HS3ST4: variants seen among roughly 807,000 people sequenced by gnomAD.
HS3ST4 encodes the protein heparan sulfate-glucosamine 3-sulfotransferase 4.
Under a neutral mutation model 29.2 loss-of-function variants are expected in HS3ST4, and 17 were observed. That is an observed-to-expected ratio of 0.58 (90% CI 0.40 to 0.87). The LOEUF is 0.87. Among genes scored for constraint, HS3ST4 ranks in the 40% least tolerant of loss-of-function variants. The pLI is 0.00. For synonymous variants in HS3ST4, 314 were observed against 285.7 expected, an observed-to-expected ratio of 1.10 and a Z score of -1.00; for missense variants, 627 against 634.5, an observed-to-expected ratio of 0.99 and a Z score of 0.13.
At chr16:25,950,679 C>A (rs142367856) in intron 1 of HS3ST4, among the ~76,000 whole-genome samples, 5 of 152,096 alleles carry the variant, frequency 3.3e-5, no homozygotes, top group Non-Finnish European at 4.4e-5. Flanking sequence ...GGTTTGACAC[C>A]TGGAGACTGC....
intron 1 of HS3ST4, among the ~76,000 whole-genome samples, chr16:25,880,359 T>A (rs1306454603): frequency 6.6e-6 from 1 of 152,184 alleles, no homozygotes; most frequent in Non-Finnish European, 1.5e-5. Context: ...CAGTGAATAT[T>A]TGTTGAATGA....
At chr16:26,069,384 T>C (rs1266911837) in intron 1 of HS3ST4, among the ~76,000 whole-genome samples, 1 of 152,154 alleles carries the variant, frequency 6.6e-6, no homozygotes, top group Non-Finnish European at 1.5e-5. Context: ...CACTTACCAG[T>C]TCTGAACCCA....
At chr16:25,815,277 G>C (rs777335468) in intron 1 of HS3ST4, among the ~76,000 whole-genome samples, 8 of 152,166 alleles carry the variant, frequency 5.3e-5, no homozygotes, top group Non-Finnish European at 1.2e-4. Context: ...CGTGGGGCTG[G>C]GTGCAGGGTT....
At chr16:26,131,637 CA>C (rs1389354774) in intron 1 of HS3ST4, among the ~76,000 whole-genome samples, 3 of 152,208 alleles carry the variant, frequency 2.0e-5, no homozygotes, top group Non-Finnish European at 4.4e-5. Flanking sequence ...CCCAGGTTAG[CA>C]GGGGGTTTTG....
chr16:25,721,587 A>C (rs974206310), intron 1 of HS3ST4, among the ~76,000 whole-genome samples: 1 of 152,160 alleles, frequency 6.6e-6, no homozygotes, highest in African/African-American at 2.4e-5. Flanking sequence ...TGACCATCAC[A>C]CTGAAAATGA....
chr16:25,737,363 C>A (rs796338056), intron 1 of HS3ST4, among the ~76,000 whole-genome samples: 1 of 29,488 alleles, frequency 3.4e-5, no homozygotes, highest in Non-Finnish European at 5.7e-5. Flanking sequence ...AGTGACCCCC[C>A]CCACACACAA....
rs558660374 is a variant in HS3ST4, at chr16:25,922,443, C to T, written c.735-213169C>T. 2.6e-5 allele frequency among the ~76,000 whole-genome samples: 4 copies of T among 152,336 alleles called. No homozygotes were observed. In the South Asian group the frequency reaches 8.3e-4, roughly 32 times the overall value. ...GATTTGCTGACCCCTTGATCTTGGG[C>T]TTCCCAGCCTCCAGAACTGTGAGAA... On this transcript the variant is annotated intron_variant, in intron 1 of 1. Coordinates refer to ENST00000331351, the MANE Select transcript of HS3ST4 (RefSeq NM_006040.3).
chr16:25,772,814 A>G (rs73511212), intron 1 of HS3ST4, among the ~76,000 whole-genome samples: 4,815 of 152,244 alleles, frequency 0.032, 242 homozygotes, highest in African/African-American at 0.11. Context: ...TCACACCTGT[A>G]ATGTTACAAG....
intron 1 of HS3ST4, among the ~76,000 whole-genome samples, chr16:25,862,978 G>A (rs111380543): frequency 8.5e-5 from 13 of 152,252 alleles, no homozygotes; most frequent in African/African-American, 2.9e-4. Flanking sequence ...TATGTGTAGT[G>A]TGGGCTTATT....
chr16:25,703,281 G>A lies in HS3ST4; in HGVS notation c.734+10130G>A, dbSNP rs1966349060. ...AAACCATGGTTATTTTAGGACGGGA[G>A]GGGGAGATGGAGGTTCGAATCTGAT... On this transcript the variant is annotated intron_variant, in intron 1 of 1. Transcript: ENST00000331351. Among the ~76,000 whole-genome samples, 3 of 152,292 alleles carry A rather than the reference G, an allele frequency of 2.0e-5. 1 individual carries two copies. The highest frequency in any genetic ancestry group is 2.0e-4 in the Admixed American group (3 of 15,292).
At chr16:25,973,230 G>T (rs1968913934) in intron 1 of HS3ST4, among the ~76,000 whole-genome samples, 1 of 152,210 alleles carries the variant, frequency 6.6e-6, no homozygotes, top group Non-Finnish European at 1.5e-5. Flanking sequence ...ACACTTGAAG[G>T]TTGGAAAATT....
intron 1 of HS3ST4, among the ~76,000 whole-genome samples, chr16:26,018,186 G>A (rs1969378307): frequency 6.6e-6 from 1 of 152,166 alleles, no homozygotes; most frequent in Admixed American, 6.6e-5. Context: ...TCCCAGCACA[G>A]GACCTCATCC....
At chr16:25,791,386 C>T (rs905922752) in intron 1 of HS3ST4, among the ~76,000 whole-genome samples, 11 of 151,948 alleles carry the variant, frequency 7.2e-5, no homozygotes, top group Non-Finnish European at 1.5e-4. Context: ...TCTGTGTTTC[C>T]ATTTATATTT....
At chr16:25,803,389 C>A (rs1380557463) in intron 1 of HS3ST4, among the ~76,000 whole-genome samples, 1 of 152,140 alleles carries the variant, frequency 6.6e-6, no homozygotes, top group African/African-American at 2.4e-5. Flanking sequence ...CATGGTGGAG[C>A]AGACATTTCT....
intron 1 of HS3ST4, among the ~76,000 whole-genome samples, chr16:26,053,136 G>A (rs1254544833): frequency 1.3e-5 from 2 of 152,120 alleles, no homozygotes; most frequent in Non-Finnish European, 2.9e-5. Flanking sequence ...ATATTCTCCC[G>A]AGATGCTTTC....
At chr16:25,795,944 CT>C (rs145351874) in intron 1 of HS3ST4, among the ~76,000 whole-genome samples, 4,720 of 149,742 alleles carry the variant, frequency 0.032, 264 homozygotes, top group African/African-American at 0.11. Context: ...TGTCAAAACT[CT>C]TTTTTTTTTA....
chr16:25,857,940 C>CTTTCTTTCTTTCT (rs1967595885), intron 1 of HS3ST4, among the ~76,000 whole-genome samples: 1 of 50,290 alleles, frequency 2.0e-5, no homozygotes, highest in Non-Finnish European at 3.5e-5. Flanking sequence ...TTCTTTCTTT[C>CTTTCTTTCTTTCT]TTTCTTTCTT....
At position 25,766,025 on chromosome 16, in the gene HS3ST4, A is replaced by C. The variant is rs1001612418; in HGVS notation, c.734+72874A>C. ...TTGATTAGCAAGTCGGAAATCCCAG[A>C]ATGATACAAACACCTCTTAGGCTCA... On this transcript the variant is annotated intron_variant, in intron 1 of 1. Coordinates refer to ENST00000331351, the MANE Select transcript of HS3ST4 (RefSeq NM_006040.3). 6.6e-5 allele frequency among the ~76,000 whole-genome samples: 10 copies of C among 152,088 alleles called. No individual in the cohort carries two copies. In the South Asian group the frequency reaches 1.0e-3, roughly 16 times the overall value.
chr16:25,863,063 G>A (rs985916529), intron 1 of HS3ST4, among the ~76,000 whole-genome samples: 31 of 152,022 alleles, frequency 2.0e-4, no homozygotes, highest in African/African-American at 6.8e-4. Flanking sequence ...TTCTTCTTTC[G>A]GTTGTATGAT....
Sources: gnomAD v4.1 joint callset for allele counts (sites outside exome capture counted in the v4.1 genomes callset) on GRCh38, gnomAD v4.1.1 for gene constraint, MANE v1.5 for transcripts, NCBI Gene and HGNC (gene_info 2026-07-23, HGNC 2026-07-21) for gene names.